XKR3: variants seen among roughly 807,000 people sequenced by gnomAD.
The protein encoded by XKR3 is XK-related protein 3.
Under a neutral mutation model 40.3 loss-of-function variants are expected in XKR3, and 27 were observed. That is an observed-to-expected ratio of 0.67 (90% CI 0.49 to 0.92). XKR3 has a LOEUF of 0.92. XKR3 is among the 40% of genes least tolerant of loss of function. The pLI, the probability that XKR3 is intolerant of heterozygous loss-of-function variation, is 0.00. For missense variants in XKR3, 472 were observed against 537.6 expected, an observed-to-expected ratio of 0.88 and a Z score of 1.21; for synonymous variants, 193 against 195.4, an observed-to-expected ratio of 0.99 and a Z score of 0.10.
intron 2 of XKR3, among the ~76,000 whole-genome samples, chr22:16,803,277 T>A (rs151215645): frequency 1.3e-5 from 2 of 152,148 alleles, no homozygotes; most frequent in Non-Finnish European, 2.9e-5. Context: ...CAGACCAATA[T>A]CCTTTATGAA....
At position 16,784,204 on chromosome 22, in the gene XKR3, T is replaced by C; in HGVS notation, c.795A>G (p.Leu265=). Residue 265 remains leucine, a synonymous_variant, in exon 4 of 4, where the codon CTA becomes CTG. Transcript: ENST00000684488. ...FFIASLKLKS[L]PVLLIIYFVS... is the part of the protein sequence containing the mutation. ...CAAAATATATGATTAACAAAACGGG[T>C]AGGCTCTTCAGTTTCAGAGATGCAA... 1 of 1,614,158 alleles carries C rather than the reference T, an allele frequency of 6.2e-7. No individual in the cohort carries two copies.
At chr22:16,819,766 C>A (rs2060248328) in intron 1 of XKR3, among the ~76,000 whole-genome samples, 1 of 152,016 alleles carries the variant, frequency 6.6e-6, no homozygotes, top group Admixed American at 6.6e-5. Context: ...TAAATTAGAT[C>A]AAATCAAAAC....
chr22:16,794,088 G>C (rs1193698330), intron 3 of XKR3, among the ~76,000 whole-genome samples: 1 of 152,172 alleles, frequency 6.6e-6, no homozygotes, highest in Non-Finnish European at 1.5e-5. Context: ...CAGCATTCCA[G>C]AGAGAAAAGG....
At chr22:16,808,539 A>G (rs1007356725) in intron 1 of XKR3, among the ~76,000 whole-genome samples, 3 of 152,238 alleles carry the variant, frequency 2.0e-5, no homozygotes, top group Non-Finnish European at 4.4e-5. Context: ...AAAGGAATAC[A>G]GAATAGTGAG....
At chr22:16,820,717 C>A (rs12169918) in intron 1 of XKR3, among the ~76,000 whole-genome samples, 8 of 109,080 alleles carry the variant, frequency 7.3e-5, no homozygotes, top group Admixed American at 5.0e-4. Context: ...AACAAAAAAA[C>A]AGTTGCATAA....
chr22:16,808,659 A>G (rs1262580846), intron 1 of XKR3, among the ~76,000 whole-genome samples: 3 of 152,198 alleles, frequency 2.0e-5, no homozygotes, highest in Admixed American at 6.5e-5. Flanking sequence ...TTCAATTTAA[A>G]TAGATGTAAA....
rs577026948 is a variant in XKR3, at chr22:16,789,328, C to T, written c.590-4919G>A. Among the ~76,000 whole-genome samples the T allele has an allele frequency of 1.5e-4, 23 of 151,994 alleles. No individual in the cohort carries two copies. In the South Asian group the frequency reaches 3.7e-3, roughly 25 times the overall value. On this transcript the variant is annotated intron_variant, in intron 3 of 3. Transcript: ENST00000684488. ...TCAGTCAAGTTTCAGTTTACAAAAT[C>T]AACATATAAATTAAGTAGCATTTTC...
chr22:16,793,161 C>A (rs1365417360), intron 3 of XKR3, among the ~76,000 whole-genome samples: 1 of 152,150 alleles, frequency 6.6e-6, no homozygotes, highest in Non-Finnish European at 1.5e-5. Flanking sequence ...TACAGGCATG[C>A]TCCACCACGC....
At chr22:16,794,757 A>T (rs1490236004) in intron 3 of XKR3, among the ~76,000 whole-genome samples, 1 of 152,160 alleles carries the variant, frequency 6.6e-6, no homozygotes, top group Non-Finnish European at 1.5e-5. Context: ...AAAAAGACAA[A>T]CCCAACCATC....
Position 16,807,913 on chromosome 22 carries a change from A to G in XKR3, c.161T>C (p.Met54Thr), listed in dbSNP as rs767169327. Residue 54 changes from methionine (M) to threonine (T), a missense_variant, in exon 2 of 4, where the codon ATG becomes ACG. By Grantham distance (81) the Met-to-Thr change is moderately conservative. Transcript: ENST00000684488. ...ATTAGCTTTTCGATAAATTTCAAAC[A>G]TGTATAAACCAAAGGCAACCTCACC... ...YCGEVAFGLYMFEIYRKANDT... is the reference protein window; with the variant it reads ...YCGEVAFGLYTFEIYRKANDT... 1 of 1,614,046 alleles carries G rather than the reference A, an allele frequency of 6.2e-7. No homozygotes were observed. Among genetic ancestry groups the G allele is most frequent in the Non-Finnish European group, 8.5e-7 (1 of 1,179,944 alleles).
chr22:16,791,778 GGAGAGAGAGAGAGA>G (rs763159994), intron 3 of XKR3, among the ~76,000 whole-genome samples: 4,743 of 123,066 alleles, frequency 0.039, 173 homozygotes, highest in African/African-American at 0.12. Context: ...GGAGAGAGAG[GGAGAGAGAGAGAGA>G]GAGAGAGAGA....
chr22:16,787,451 T>C (rs1601838776), intron 3 of XKR3, among the ~76,000 whole-genome samples: 3 of 151,304 alleles, frequency 2.0e-5, no homozygotes, highest in Non-Finnish European at 4.4e-5. Context: ...TCCCAGCCAC[T>C]CAAGAGGCTG....
At chr22:16,802,734 T>C (rs548530549) in intron 2 of XKR3, among the ~76,000 whole-genome samples, 10 of 152,276 alleles carry the variant, frequency 6.6e-5, no homozygotes, top group African/African-American at 1.9e-4. Context: ...GTGATCTGCC[T>C]GCCTGGGACT....
Position 16,809,925 on chromosome 22 carries a change from G to C in XKR3, c.-10-1842C>G, listed in dbSNP as rs1361391953. On this transcript the variant is annotated intron_variant, in intron 1 of 3. Transcript: ENST00000684488. ...AGGCCACCAGGCCTAGCTAACTTTG[G>C]TATTTTTGTAGAGACAGGGTCTCTT... Among the ~76,000 whole-genome samples, 4 of 152,158 alleles carry C rather than the reference G, an allele frequency of 2.6e-5. No individual in the cohort carries two copies. In the East Asian group the frequency reaches 7.8e-4, roughly 29 times the overall value.
At chr22:16,794,180 C>G (rs1461817376) in intron 3 of XKR3, among the ~76,000 whole-genome samples, 4 of 152,108 alleles carry the variant, frequency 2.6e-5, no homozygotes, top group Admixed American at 2.6e-4. Context: ...GGTCAACATC[C>G]AAATCCAAAT....
At chr22:16,792,145 C>T (rs2060122911) in intron 3 of XKR3, among the ~76,000 whole-genome samples, 2 of 152,158 alleles carry the variant, frequency 1.3e-5, no homozygotes, top group East Asian at 1.9e-4. Flanking sequence ...AGGACTTCAC[C>T]ATGTTGGCCA....
intron 1 of XKR3, among the ~76,000 whole-genome samples, chr22:16,811,740 G>A (rs146539416): frequency 0.011 from 1,624 of 152,276 alleles, 36 homozygotes; most frequent in African/African-American, 0.038. Context: ...CGGGCACGGT[G>A]GCTCACGCCT....
chr22:16,800,370 C>A (rs1448128981), intron 2 of XKR3, among the ~76,000 whole-genome samples: 1 of 152,116 alleles, frequency 6.6e-6, no homozygotes, highest in Admixed American at 6.5e-5. Context: ...TTTTCTAATG[C>A]GTTAATATTC....
chr22:16,809,044 T>C (rs1216361977), intron 1 of XKR3, among the ~76,000 whole-genome samples: 2 of 152,098 alleles, frequency 1.3e-5, no homozygotes, highest in African/African-American at 4.8e-5. Flanking sequence ...AAAGTAAAAG[T>C]AGTAGTTAAA....
Sources: allele counts gnomAD v4.1 joint callset (sites outside exome capture counted in the v4.1 genomes callset), GRCh38; gene constraint gnomAD v4.1.1; transcripts MANE v1.5; gene names NCBI Gene and HGNC (gene_info 2026-07-23, HGNC 2026-07-21).